Variants in RGS6 observed in about 807,000 individuals in gnomAD.
RGS6 encodes the protein regulator of G protein signaling 6.
RGS6 carries 30 observed loss-of-function variants against 78.5 expected under a neutral mutation model. The observed-to-expected ratio is 0.38, with a 90% CI of 0.29 to 0.52. The LOEUF (loss-of-function observed/expected upper bound fraction) is 0.52, where lower values mean the gene tolerates loss of function less well. Among genes scored for constraint, RGS6 ranks in the 20% least tolerant of loss-of-function variants. RGS6 has a pLI of 0.85. For missense variants in RGS6, 495 were observed against 609.7 expected (o/e 0.81, Z 1.98); for synonymous variants, 206 against 206.0 (o/e 1.00, Z 0.00).
At chr14:72,274,851 T>C (rs181315347) in intron 2 of RGS6, among the ~76,000 whole-genome samples, 3 of 152,330 alleles carry the variant, frequency 2.0e-5, no homozygotes, top group Non-Finnish European at 4.4e-5. Context: ...AAGTATAAAA[T>C]AATACATTTG....
intron 2 of RGS6, among the ~76,000 whole-genome samples, chr14:72,147,162 C>T (rs565903529): frequency 3.9e-5 from 6 of 152,344 alleles, no homozygotes; most frequent in African/African-American, 1.4e-4. Context: ...CCAGAATCAC[C>T]CTTAATGCCC....
chr14:71,976,163 A>T (rs2094113413), intron 2 of RGS6, among the ~76,000 whole-genome samples: 1 of 150,442 alleles, frequency 6.6e-6, no homozygotes, highest in Non-Finnish European at 1.5e-5. Context: ...CATATCTGAT[A>T]CTTTAAAGTC....
At chr14:72,503,713 AC>A (rs1360024010) in intron 13 of RGS6, among the ~76,000 whole-genome samples, 1 of 152,130 alleles carries the variant, frequency 6.6e-6, no homozygotes, top group African/African-American at 2.4e-5. Flanking sequence ...TGTCTTTTAG[AC>A]CCACTGGGGC....
intron 3 of RGS6, among the ~76,000 whole-genome samples, chr14:72,402,515 C>G (rs2092520014): frequency 6.6e-6 from 1 of 152,082 alleles, no homozygotes; most frequent in African/African-American, 2.4e-5. Context: ...TGTTCAACAT[C>G]ACCATCATCA....
At chr14:72,225,573 C>A (rs2047932505) in intron 2 of RGS6, among the ~76,000 whole-genome samples, 1 of 152,156 alleles carries the variant, frequency 6.6e-6, no homozygotes. Context: ...AAGTGATCTG[C>A]CTGCCTCAGA....
chr14:72,457,815 C>G (rs1011675559), intron 4 of RGS6, among the ~76,000 whole-genome samples: 3 of 152,152 alleles, frequency 2.0e-5, no homozygotes, highest in African/African-American at 7.2e-5. Flanking sequence ...GGGGAACGCA[C>G]TGGGAGTCCT....
chr14:72,624,333 C>CTTTTTTTT, the RGS6 span, among the ~76,000 whole-genome samples: 23 of 97,804 alleles, frequency 2.4e-4, no homozygotes, highest in Admixed American at 6.4e-4. Context: ...ACCTATGTCT[C>CTTTTTTTT]TTTTTTTTTT....
At chr14:72,058,455 CATTA>C (rs536809403) in intron 2 of RGS6, among the ~76,000 whole-genome samples, 11 of 151,242 alleles carry the variant, frequency 7.3e-5, no homozygotes, top group South Asian at 2.1e-4. Context: ...CTTTTATATC[CATTA>C]ATTAATTTAT....
At chr14:72,530,751 C>A (rs1416221042) in intron 15 of RGS6, among the ~76,000 whole-genome samples, 1 of 152,204 alleles carries the variant, frequency 6.6e-6, no homozygotes, top group Admixed American at 6.5e-5. Context: ...ACCAATGATA[C>A]CCCTCAGCCT....
chr14:71,967,899 G>A (rs1027416386), intron 2 of RGS6, among the ~76,000 whole-genome samples: 6 of 152,150 alleles, frequency 3.9e-5, no homozygotes, highest in African/African-American at 1.4e-4. Context: ...ACACTTTTCA[G>A]AACACTCTTC....
chr14:71,909,798 G>A, the RGS6 span, among the ~76,000 whole-genome samples: 6 of 152,076 alleles, frequency 3.9e-5, no homozygotes, highest in South Asian at 2.1e-4. Context: ...AAGGGAGACC[G>A]GTTAAAACAC....
the RGS6 span, among the ~76,000 whole-genome samples, chr14:72,621,732 A>C: frequency 1.3e-5 from 2 of 152,306 alleles, no homozygotes; most frequent in East Asian, 3.9e-4. Flanking sequence ...GGTGGCCTGA[A>C]TTACAATTGC....
intron 2 of RGS6, among the ~76,000 whole-genome samples, chr14:72,230,092 C>G (rs1248651684): frequency 2.0e-5 from 3 of 152,182 alleles, no homozygotes; most frequent in African/African-American, 7.2e-5. Context: ...AATTGTCTGG[C>G]TTAGTAGAAC....
chr14:72,572,390 A>G, the RGS6 span, among the ~76,000 whole-genome samples: 1 of 152,226 alleles, frequency 6.6e-6, no homozygotes, highest in South Asian at 2.1e-4. Flanking sequence ...AATGGAAACA[A>G]TTCAAATGTC....
chr14:72,003,966 G>C (rs2084010818), intron 2 of RGS6, among the ~76,000 whole-genome samples: 1 of 152,170 alleles, frequency 6.6e-6, no homozygotes, highest in African/African-American at 2.4e-5. Flanking sequence ...CAGCTGAGGG[G>C]TGAAATGCTC....
intron 3 of RGS6, among the ~76,000 whole-genome samples, chr14:72,389,932 T>C (rs1417897173): frequency 2.0e-5 from 3 of 152,124 alleles, no homozygotes; most frequent in African/African-American, 7.2e-5. Flanking sequence ...TGCATATTCT[T>C]AAATTAACAA....
intron 13 of RGS6, among the ~76,000 whole-genome samples, chr14:72,503,568 C>T (rs371546754): frequency 3.5e-5 from 5 of 143,570 alleles, no homozygotes; most frequent in African/African-American, 1.4e-4. Context: ...CATTTTCATT[C>T]AAAAAGAGAG....
chr14:72,240,322 C>T (rs79084750), intron 2 of RGS6, among the ~76,000 whole-genome samples: 5,842 of 152,100 alleles, frequency 0.038, 152 homozygotes, highest in Non-Finnish European at 0.056. Flanking sequence ...GTGAGTTAAT[C>T]GGGGTGGGGG....
intron 17 of RGS6, 35 bp downstream of exon 17, chr14:72,540,129 T>C: frequency 6.4e-7 from 1 of 1,555,274 alleles, no homozygotes; most frequent in South Asian, 1.2e-5. Flanking sequence ...TCAGCTTTTC[T>C]TTTGGTTTTG....
Sources: gnomAD v4.1 joint callset for allele counts (sites outside exome capture counted in the v4.1 genomes callset) on GRCh38, gnomAD v4.1.1 for gene constraint, MANE v1.5 for transcripts, NCBI Gene and HGNC (gene_info 2026-07-23, HGNC 2026-07-21) for gene names.